Variants in TAFA1 observed in about 807,000 individuals in gnomAD.
The protein encoded by TAFA1 is chemokine-like protein TAFA-1.
Under a neutral mutation model 18.5 loss-of-function variants are expected in TAFA1, and 4 were observed. The ratio of observed to expected loss-of-function variants is 0.22; its 90% CI spans 0.11 to 0.49. The LOEUF (loss-of-function observed/expected upper bound fraction) is 0.49, where lower values mean the gene tolerates loss of function less well. TAFA1 is among the 20% of genes least tolerant of loss of function. The pLI, the probability that TAFA1 is intolerant of heterozygous loss-of-function variation, is 0.98. For synonymous variants in TAFA1, 56 were observed against 55.2 expected, an observed-to-expected ratio of 1.01 and a Z score of -0.06; for missense variants, 147 against 169.0, an observed-to-expected ratio of 0.87 and a Z score of 0.72.
At chr3:68,448,148 A>G (rs1481697005) in intron 3 of TAFA1, among the ~76,000 whole-genome samples, 1 of 152,128 alleles carries the variant, frequency 6.6e-6, no homozygotes, top group African/African-American at 2.4e-5. Flanking sequence ...AAAGGACAAA[A>G]TGAGGAGGAG....
At chr3:68,059,235 A>T (rs1015614710) in intron 2 of TAFA1, among the ~76,000 whole-genome samples, 13 of 152,130 alleles carry the variant, frequency 8.5e-5, no homozygotes, top group Non-Finnish European at 1.5e-4. Context: ...AGTGCCAGGC[A>T]CAGCACTAAT....
At chr3:68,228,295 G>A (rs2066828378) in intron 2 of TAFA1, among the ~76,000 whole-genome samples, 1 of 152,074 alleles carries the variant, frequency 6.6e-6, no homozygotes, top group Non-Finnish European at 1.5e-5. Context: ...CCAGGCTGGA[G>A]TGAAGTGGCT....
chr3:68,410,914 T>A lies in TAFA1; in HGVS notation c.119-6366T>A, dbSNP rs549360424. Among the ~76,000 whole-genome samples the A allele has an allele frequency of 2.6e-5, 4 of 152,274 alleles. No individual in the cohort carries two copies. In the East Asian group the frequency reaches 5.8e-4, roughly 22 times the overall value. ...TATCATTCTGAAATAACATTGGCAGTTAAGTTTGAAAGGATAGTTCACAAG... is the reference window on the plus strand; with the variant it reads ...TATCATTCTGAAATAACATTGGCAGATAAGTTTGAAAGGATAGTTCACAAG... On this transcript the variant is annotated intron_variant, in intron 2 of 4. Transcript: ENST00000478136.
In TAFA1 at chr3:68,415,333, A is replaced by T. The variant is rs544415094; in HGVS notation, c.119-1947A>T. 1.6e-3 allele frequency among the ~76,000 whole-genome samples: 241 copies of T among 152,300 alleles called. 1 individual carries two copies. The highest frequency in any genetic ancestry group is 2.9e-3 in the Non-Finnish European group (199 of 68,024). ...CAACCTTGACCCCAGTCAAGCTTAC[A>T]GTTTGGCTGGGGCACAGACATGAAC... On this transcript the variant is annotated intron_variant, in intron 2 of 4. Coordinates refer to ENST00000478136, the MANE Select transcript of TAFA1 (RefSeq NM_213609.4).
chr3:68,293,139 C>T (rs2068141627), intron 2 of TAFA1, among the ~76,000 whole-genome samples: 1 of 152,050 alleles, frequency 6.6e-6, no homozygotes, highest in Non-Finnish European at 1.5e-5. Context: ...GGTGTCTAAC[C>T]CTTCATAGTT....
intron 2 of TAFA1, among the ~76,000 whole-genome samples, chr3:68,027,001 G>A (rs1281838651): frequency 6.6e-6 from 1 of 152,008 alleles, no homozygotes; most frequent in Non-Finnish European, 1.5e-5. Context: ...GGCTGGAGTA[G>A]GAGGAAGAGA....
At chr3:68,505,395 T>C (rs992170615) in intron 3 of TAFA1, among the ~76,000 whole-genome samples, 5 of 152,150 alleles carry the variant, frequency 3.3e-5, no homozygotes, top group Non-Finnish European at 2.9e-5. Context: ...CATTTTAAAT[T>C]CATCTCTGTT....
intron 2 of TAFA1, among the ~76,000 whole-genome samples, chr3:68,233,200 AT>A (rs1250200067): frequency 2.0e-5 from 3 of 151,678 alleles, no homozygotes; most frequent in Non-Finnish European, 4.4e-5. Flanking sequence ...TAATGAGTTT[AT>A]TTAATTTTTT....
intron 2 of TAFA1, among the ~76,000 whole-genome samples, chr3:68,109,678 ATTGTTGTTG>A (rs565153738): frequency 2.6e-5 from 4 of 151,874 alleles, no homozygotes; most frequent in African/African-American, 7.3e-5. Context: ...TACTAAGAAA[ATTGTTGTTG>A]TTGTTGTTGT....
intron 2 of TAFA1, among the ~76,000 whole-genome samples, chr3:68,358,620 A>C (rs576528223): frequency 5.3e-5 from 8 of 151,962 alleles, no homozygotes; most frequent in Admixed American, 5.3e-4. Context: ...TCTTTCCCCC[A>C]TACCGCAAAT....
intron 2 of TAFA1, among the ~76,000 whole-genome samples, chr3:68,046,279 G>A (rs541022787): frequency 5.1e-4 from 77 of 152,082 alleles, no homozygotes; most frequent in African/African-American, 1.8e-3. Flanking sequence ...ATATTGATAA[G>A]GTTATATTTA....
intron 2 of TAFA1, among the ~76,000 whole-genome samples, chr3:68,334,369 G>C (rs769493446): frequency 1.3e-5 from 2 of 152,130 alleles, no homozygotes; most frequent in African/African-American, 2.4e-5. Context: ...TGTTGTTGTT[G>C]TTGTTACATT....
At chr3:68,115,562 G>A (rs561298946) in intron 2 of TAFA1, among the ~76,000 whole-genome samples, 1 of 152,180 alleles carries the variant, frequency 6.6e-6, no homozygotes, top group South Asian at 2.1e-4. Flanking sequence ...AACAGGTTGA[G>A]GTTTTGATGT....
At chr3:68,020,282 G>T (rs1378240733) in intron 2 of TAFA1, among the ~76,000 whole-genome samples, 1 of 152,116 alleles carries the variant, frequency 6.6e-6, no homozygotes, top group East Asian at 1.9e-4. Context: ...TGGGTCTGAG[G>T]AGTCTGCAGG....
At chr3:68,243,556 A>G (rs1376457047) in intron 2 of TAFA1, among the ~76,000 whole-genome samples, 2 of 152,150 alleles carry the variant, frequency 1.3e-5, no homozygotes, top group Non-Finnish European at 2.9e-5. Context: ...TATCGTATAT[A>G]CCCTTTTGAG....
intron 3 of TAFA1, among the ~76,000 whole-genome samples, chr3:68,442,585 G>A (rs368650985): frequency 6.0e-4 from 92 of 152,234 alleles, no homozygotes; most frequent in Admixed American, 4.8e-3. Flanking sequence ...TTTATGACAC[G>A]TAGTGGCTAC....
intron 2 of TAFA1, among the ~76,000 whole-genome samples, chr3:68,176,388 A>T (rs562074997): frequency 6.6e-6 from 1 of 152,262 alleles, no homozygotes; most frequent in Admixed American, 6.5e-5. Context: ...AGGCTGAGGC[A>T]AGAGGATTGC....
intron 3 of TAFA1, among the ~76,000 whole-genome samples, chr3:68,435,016 AGGCAAATT>A (rs1363653617): frequency 6.6e-6 from 1 of 152,156 alleles, no homozygotes; most frequent in Non-Finnish European, 1.5e-5. Flanking sequence ...GGGAGATGAC[AGGCAAATT>A]GGTGATTGCA....
intron 2 of TAFA1, among the ~76,000 whole-genome samples, chr3:68,355,186 C>A (rs2069338807): frequency 6.6e-6 from 1 of 151,910 alleles, no homozygotes; most frequent in African/African-American, 2.4e-5. Flanking sequence ...TCTTCTTCAA[C>A]CCTCTCTTAC....
Sources: allele counts gnomAD v4.1 joint callset (sites outside exome capture counted in the v4.1 genomes callset), GRCh38; gene constraint gnomAD v4.1.1; transcripts MANE v1.5; gene names NCBI Gene and HGNC (gene_info 2026-07-23, HGNC 2026-07-21).